The following TNIK variants were observed in gnomAD, a reference collection of about 807,000 sequenced individuals.
The protein encoded by TNIK is TRAF2 and NCK interacting kinase.
Under a neutral mutation model 191.3 loss-of-function variants are expected in TNIK, and 49 were observed. The observed-to-expected ratio is 0.26, with a 90% CI of 0.20 to 0.32. TNIK has a LOEUF of 0.32. TNIK is among the 10% of genes least tolerant of loss of function. TNIK has a pLI of 1.00. For missense variants in TNIK, 1,155 were observed against 1,702.3 expected (o/e 0.68, Z 5.66); for synonymous variants, 594 against 600.9 (o/e 0.99, Z 0.17).
chr3:171,384,426 T>A lies in TNIK; in HGVS notation c.58-14741A>T, dbSNP rs181320826. ...ACTCATCTGGGAACCTTGTTACAAA[T>A]GCAGAAATCTGGGCCCTGCCCAGAC... On this transcript the variant is annotated intron_variant, in intron 1 of 32. Coordinates refer to ENST00000436636, the MANE Select transcript of TNIK (RefSeq NM_015028.4). Among the ~76,000 whole-genome samples the A allele has an allele frequency of 1.5e-4, 23 of 152,378 alleles. No homozygotes were observed. The East Asian group carries it at 4.2e-3, about 28-fold the overall frequency.
intron 2 of TNIK, among the ~76,000 whole-genome samples, chr3:171,271,116 C>T (rs1749036847): frequency 6.6e-6 from 1 of 152,176 alleles, no homozygotes; most frequent in African/African-American, 2.4e-5. Flanking sequence ...TTCTGGCTTA[C>T]CCTAAGGACA....
intron 4 of TNIK, among the ~76,000 whole-genome samples, chr3:171,197,778 G>A (rs1738889602): frequency 6.6e-6 from 1 of 152,182 alleles, no homozygotes; most frequent in Non-Finnish European, 1.5e-5. Flanking sequence ...TATTGGTGAG[G>A]ATGTGGGGAA....
chr3:171,448,494 T>G (rs1234906540), intron 1 of TNIK, among the ~76,000 whole-genome samples: 1 of 152,208 alleles, frequency 6.6e-6, no homozygotes, highest in African/African-American at 2.4e-5. Flanking sequence ...TATGCTACAT[T>G]TTGTTTATTC....
intron 2 of TNIK, among the ~76,000 whole-genome samples, chr3:171,244,902 G>A (rs1050498045): frequency 6.6e-6 from 1 of 151,534 alleles, no homozygotes; most frequent in Non-Finnish European, 1.5e-5. Context: ...TTCAACAAAA[G>A]GCTTGAAATT....
chr3:171,194,257 C>A (rs1009088005), intron 5 of TNIK, among the ~76,000 whole-genome samples: 27 of 152,088 alleles, frequency 1.8e-4, no homozygotes, highest in African/African-American at 6.5e-4. Flanking sequence ...GAAAATGAAT[C>A]CCTTGTTAAG....
chr3:171,321,376 G>A (rs1470799230), intron 2 of TNIK, among the ~76,000 whole-genome samples: 1 of 152,056 alleles, frequency 6.6e-6, no homozygotes, highest in Non-Finnish European at 1.5e-5. Context: ...AACCAAAATT[G>A]TCTAAATGTT....
At chr3:171,170,981 GT>G (rs1735206812) in intron 9 of TNIK, among the ~76,000 whole-genome samples, 1 of 152,142 alleles carries the variant, frequency 6.6e-6, no homozygotes, top group Admixed American at 6.5e-5. Context: ...GAGCCCAGGA[GT>G]TTGAGGCTGC....
At chr3:171,433,174 AAC>A (rs1560068131) in intron 1 of TNIK, among the ~76,000 whole-genome samples, 1 of 149,672 alleles carries the variant, frequency 6.7e-6, no homozygotes, top group African/African-American at 2.5e-5. Context: ...GATTTTTGAA[AAC>A]AGTCTATATA....
chr3:171,358,372 T>C (rs1220926991), intron 2 of TNIK, among the ~76,000 whole-genome samples: 2 of 152,158 alleles, frequency 1.3e-5, no homozygotes, highest in African/African-American at 4.8e-5. Flanking sequence ...AGTCACATCT[T>C]ACATGGTGCA....
At chr3:171,270,533 TGAAA>T (rs1462429453) in intron 2 of TNIK, among the ~76,000 whole-genome samples, 1 of 152,174 alleles carries the variant, frequency 6.6e-6, no homozygotes, top group Admixed American at 6.5e-5. Context: ...CACCAGCAAT[TGAAA>T]TCAGACCCAA....
intron 2 of TNIK, among the ~76,000 whole-genome samples, chr3:171,339,246 C>G (rs1757280214): frequency 6.6e-6 from 1 of 152,210 alleles, no homozygotes; most frequent in Non-Finnish European, 1.5e-5. Flanking sequence ...CTAATATGGC[C>G]TTAGGCCAGA....
intron 4 of TNIK, among the ~76,000 whole-genome samples, chr3:171,197,156 A>G (rs1738801105): frequency 6.6e-6 from 1 of 152,190 alleles, no homozygotes; most frequent in Admixed American, 6.5e-5. Flanking sequence ...ATTATATGAC[A>G]GTTTCTTCTA....
intron 27 of TNIK, among the ~76,000 whole-genome samples, chr3:171,080,986 C>A (rs145242999): frequency 6.6e-6 from 1 of 152,280 alleles, no homozygotes; most frequent in Non-Finnish European, 1.5e-5. Flanking sequence ...CCTATCTGTG[C>A]CTCATGAGAA....
chr3:171,075,805 C>T (rs182450985), intron 28 of TNIK, among the ~76,000 whole-genome samples: 17 of 151,404 alleles, frequency 1.1e-4, no homozygotes, highest in African/African-American at 3.9e-4. Context: ...GGCACCATCT[C>T]GGCTCACTGC....
chr3:171,354,610 T>C (rs1713744682), intron 2 of TNIK, among the ~76,000 whole-genome samples: 2 of 152,162 alleles, frequency 1.3e-5, no homozygotes, highest in South Asian at 4.1e-4. Flanking sequence ...GAGTTGATTG[T>C]TAGAAATGCA....
chr3:171,161,381 G>A (rs1733966334), intron 10 of TNIK, 45 bp from the exon 11 acceptor site: 3 of 1,573,220 alleles, frequency 1.9e-6, no homozygotes, highest in East Asian at 2.2e-5. Context: ...AGATGCTATG[G>A]CTCAGTAAAG....
At chr3:171,314,080 A>C (rs1754337249) in intron 2 of TNIK, among the ~76,000 whole-genome samples, 1 of 152,204 alleles carries the variant, frequency 6.6e-6, no homozygotes, top group African/African-American at 2.4e-5. Context: ...GATGTTCATA[A>C]GCACGCAGAT....
At chr3:171,395,309 T>C (rs1560017528) in intron 1 of TNIK, among the ~76,000 whole-genome samples, 1 of 152,190 alleles carries the variant, frequency 6.6e-6, no homozygotes, top group Non-Finnish European at 1.5e-5. Flanking sequence ...AGCCTTCCTT[T>C]TGTCATCAGT....
chr3:171,312,403 A>C lies in TNIK; in HGVS notation c.123+57217T>G, dbSNP rs186386078. Among the ~76,000 whole-genome samples, 191 of 152,266 alleles carry C rather than the reference A, an allele frequency of 1.3e-3. 1 individual carries two copies. Among genetic ancestry groups the C allele is most frequent in the African/African-American group, 4.5e-3 (186 of 41,564 alleles). On this transcript the variant is annotated intron_variant, in intron 2 of 32. Coordinates refer to ENST00000436636, the MANE Select transcript of TNIK (RefSeq NM_015028.4). ...TATTTCCGTTTTCAAACTTAAAAAA[A>C]ACAGTTGCATCTAGAGGGTGGTAGC... is the stretch of plus-strand genomic sequence containing the variant.
Sources: gnomAD v4.1 joint callset for allele counts (sites outside exome capture counted in the v4.1 genomes callset) on GRCh38, gnomAD v4.1.1 for gene constraint, MANE v1.5 for transcripts, NCBI Gene and HGNC (gene_info 2026-07-23, HGNC 2026-07-21) for gene names.